Variants in RPS27L observed in about 807,000 individuals in gnomAD.
RPS27L encodes ribosomal protein eS27-like.
Under a neutral mutation model 12.8 loss-of-function variants are expected in RPS27L, and 10 were observed. The ratio of observed to expected loss-of-function variants is 0.78; its 90% CI spans 0.48 to 1.33. The LOEUF (loss-of-function observed/expected upper bound fraction) is 1.33, where lower values mean the gene tolerates loss of function less well. Among genes scored for constraint, RPS27L ranks in the 40% most tolerant of loss-of-function variants. The probability of loss-of-function intolerance (pLI) is 0.00; values close to 1 mark genes in which losing one functional copy is unlikely to be tolerated. For missense variants in RPS27L, 81 were observed against 97.4 expected, an observed-to-expected ratio of 0.83 and a Z score of 0.71; for synonymous variants, 26 against 32.3, an observed-to-expected ratio of 0.81 and a Z score of 0.66.
rs972160792 is a variant in RPS27L at position 63,153,799 on chromosome 15, A to G, written c.*233T>C. On this transcript the variant is annotated 3_prime_UTR_variant, in exon 4 of 4. Coordinates refer to ENST00000330964, the MANE Select transcript of RPS27L (RefSeq NM_015920.4). ...TTTAAACCAAATTCATATACACCAT[A>G]TATATAAATGTATGGCATACTCAAA... The G allele has an allele frequency of 9.9e-6, 5 of 503,378 alleles. No individual in the cohort carries two copies. Among genetic ancestry groups the G allele is most frequent in the Non-Finnish European group, 1.7e-5 (5 of 286,924 alleles). The allele number at this position is 503,378 out of a possible 1,614,324, so 31.2% of individuals were successfully genotyped here.
rs967643764 is a variant in RPS27L at position 63,153,026 on chromosome 15, C to A, written c.*1006G>T. The A allele has an allele frequency of 6.6e-6, 1 of 152,204 alleles. No individual in the cohort carries two copies. The highest frequency in any genetic ancestry group is 2.4e-5 in the African/African-American group (1 of 41,432). 9.4% of individuals were successfully genotyped at this position (152,204 alleles called of 1,614,324 possible). On this transcript the variant is annotated 3_prime_UTR_variant, in exon 4 of 4. Coordinates refer to ENST00000330964, the MANE Select transcript of RPS27L (RefSeq NM_015920.4). ...TGAGGAGTTGTATAGTGAGTGGATA[C>A]ACTCCCCGTCTCAGCTCCCCAGGAT...
chr15:63,152,206 G>A lies in RPS27L; in HGVS notation c.*1826C>T, dbSNP rs1454181562. 2.6e-5 allele frequency: 4 copies of A among 152,142 alleles called. No individual in the cohort carries two copies. The highest frequency in any genetic ancestry group is 1.3e-4 in the Admixed American group (2 of 15,268). The allele number at this position is 152,142 out of a possible 1,614,324, so 9.4% of individuals were successfully genotyped here. ...AGGTGGGAGGCTTGCTTGAGCCCAGGAGTTTGAGGTCACAATGAGCTATGA... is the reference window on the plus strand; with the variant it reads ...AGGTGGGAGGCTTGCTTGAGCCCAGAAGTTTGAGGTCACAATGAGCTATGA... On this transcript the variant is annotated 3_prime_UTR_variant, in exon 4 of 4. Coordinates refer to ENST00000330964, the MANE Select transcript of RPS27L (RefSeq NM_015920.4).
At chr15:63,156,309 C>T (rs938609188) in intron 2 of RPS27L, 104 bp downstream of exon 2, 4 of 611,370 alleles carry the variant, frequency 6.5e-6, no homozygotes, top group African/African-American at 1.9e-5. Flanking sequence ...TGTAATCCCA[C>T]TTCTACTCAA....
At position 63,151,256 on chromosome 15, in the gene RPS27L, C is replaced by T. The variant is rs1438778878; in HGVS notation, c.*2776G>A. 1.3e-5 allele frequency: 2 copies of T among 151,904 alleles called. No individual in the cohort carries two copies. The highest frequency in any genetic ancestry group is 2.9e-5 in the Non-Finnish European group (2 of 67,962). The allele number at this position is 151,904 out of a possible 1,614,324, so 9.4% of individuals were successfully genotyped here. A position where few individuals can be genotyped will look rare whatever the true frequency, so the allele number is the denominator to read the frequency against. On this transcript the variant is annotated 3_prime_UTR_variant, in exon 4 of 4. Transcript: ENST00000330964. Reference sequence around the variant, plus strand: ...CCTTAGATGTGTTCTTTCTTTGAGACACAGCTTCACGCTGTCACCCAGGCT... The same window carrying T: ...CCTTAGATGTGTTCTTTCTTTGAGATACAGCTTCACGCTGTCACCCAGGCT...
At chr15:63,155,342 T>C (rs1329741795) in intron 3 of RPS27L, 4 of 385,770 alleles carry the variant, frequency 1.0e-5, no homozygotes, top group South Asian at 1.4e-4. Flanking sequence ...CTATAACATG[T>C]AGTTATTCTT....
intron 3 of RPS27L, chr15:63,155,191 G>C (rs2037324163): frequency 6.6e-6 from 1 of 152,290 alleles, no homozygotes; most frequent in Non-Finnish European, 1.5e-5. Context: ...GGGAGGCAGA[G>C]GCAAGAGAAT....
At position 63,152,433 on chromosome 15, in the gene RPS27L, G is replaced by A. The variant is rs566666261; in HGVS notation, c.*1599C>T. The A allele has an allele frequency of 2.0e-5, 3 of 151,190 alleles. No individual in the cohort carries two copies. Among genetic ancestry groups the A allele is most frequent in the African/African-American group, 7.3e-5 (3 of 41,222 alleles). The allele number at this position is 151,190 out of a possible 1,614,324, so 9.4% of individuals were successfully genotyped here. A position where few individuals can be genotyped will look rare whatever the true frequency, so the allele number is the denominator to read the frequency against. On this transcript the variant is annotated 3_prime_UTR_variant, in exon 4 of 4. Transcript: ENST00000330964. ...AATTACTGAGATTCTAATGATGTCA[G>A]AAACTAAAAGTCTGAGAATCTCTGG...
In RPS27L at chr15:63,152,937, A is replaced by G. The variant is rs1036646501; in HGVS notation, c.*1095T>C. 25 of 152,062 alleles carry G rather than the reference A, an allele frequency of 1.6e-4. No individual in the cohort carries two copies. Among genetic ancestry groups the G allele is most frequent in the Admixed American group, 1.6e-3 (25 of 15,258 alleles). The allele number at this position is 152,062 out of a possible 1,614,324, so 9.4% of individuals were successfully genotyped here. ...TTGATAGGAAATGCCTGTTTTAAAT[A>G]CCTGCCACAAGGTAACAAATCAAAT... On this transcript the variant is annotated 3_prime_UTR_variant, in exon 4 of 4. Coordinates refer to ENST00000330964, the MANE Select transcript of RPS27L (RefSeq NM_015920.4).
Position 63,153,973 on chromosome 15 carries a change from TATG to T in RPS27L, c.*56_*58del, listed in dbSNP as rs77468583. The T allele has an allele frequency of 6.9e-4, 944 of 1,373,828 alleles. 19 individuals are homozygous for T. In the East Asian group the frequency reaches 0.022, roughly 32 times the overall value. 85.1% of individuals were successfully genotyped at this position (1,373,828 alleles called of 1,614,324 possible). On this transcript the variant is annotated 3_prime_UTR_variant, in exon 4 of 4. Coordinates refer to ENST00000330964, the MANE Select transcript of RPS27L (RefSeq NM_015920.4). ...GTAAATTAATTAGAATTATGGAATT[TATG>T]ATAAGGCTTTCTGTGAGACAACACA...
rs2037312389 is a variant in RPS27L at position 63,153,344 on chromosome 15, T to C, written c.*688A>G. The C allele has an allele frequency of 6.6e-6, 1 of 152,200 alleles. No individual in the cohort carries two copies. The highest frequency in any genetic ancestry group is 2.1e-4 in the South Asian group (1 of 4,828). The allele number at this position is 152,200 out of a possible 1,614,324, so 9.4% of individuals were successfully genotyped here. A position where few individuals can be genotyped will look rare whatever the true frequency, so the allele number is the denominator to read the frequency against. On this transcript the variant is annotated 3_prime_UTR_variant, in exon 4 of 4. Coordinates refer to ENST00000330964, the MANE Select transcript of RPS27L (RefSeq NM_015920.4). ...GGCATTACACTGTGATCAATATGTATTTTTTTGAAACTATTCTTTTTAATT... is the reference window on the plus strand; with the variant it reads ...GGCATTACACTGTGATCAATATGTACTTTTTTGAAACTATTCTTTTTAATT...
chr15:63,154,711 A>C (rs1481678733), intron 3 of RPS27L: 1 of 152,160 alleles, frequency 6.6e-6, no homozygotes, highest in Non-Finnish European at 1.5e-5. Context: ...ATCACAAGCA[A>C]ATTTATAACA....
chr15:63,157,270 G>A, intron 1 of RPS27L, 130 bp downstream of exon 1: 5 of 1,043,662 alleles, frequency 4.8e-6, no homozygotes, highest in South Asian at 2.6e-5. Context: ...GCGCGAAGAC[G>A]CTGCGCAACC....
Position 63,155,644 on chromosome 15 carries a change from C to A in RPS27L, c.203G>T (p.Gly68Val). 6.3e-7 allele frequency: 1 copy of A among 1,593,946 alleles called. No homozygotes were observed. The highest frequency in any genetic ancestry group is 1.7e-5 in the Admixed American group (1 of 57,254). The change falls in exon 3 of 4, where the codon GGA (glycine) becomes GTA (valine). Residue 68 changes from glycine to valine, a missense_variant. By Grantham distance (109) the Gly-to-Val change is moderately radical (BLOSUM62 -3). Transcript: ENST00000330964. The part of the protein sequence containing the change: ...GCSTVLCQPT[G>V]GKARLTEGCS... ...ACCTTCTGTGAGTCTGGCCTTTCCT[C>A]CTGTAGGCTGGCACAACACTGTTGA...
chr15:63,155,885 A>T (rs1385530790), intron 2 of RPS27L, among the ~76,000 whole-genome samples, 154 bp from the exon 3 acceptor site: 4 of 152,344 alleles, frequency 2.6e-5, no homozygotes, highest in African/African-American at 9.6e-5. Context: ...GCGACACAAA[A>T]TTTTTTAAAA....
At chr15:63,156,569 G>T in intron 1 of RPS27L, 48 bp from the exon 2 acceptor site, 1 of 1,169,996 alleles carries the variant, frequency 8.5e-7, no homozygotes, top group South Asian at 1.3e-5. Flanking sequence ...CCACAACGCT[G>T]GCACATTTAA....
chr15:63,149,915 A>C lies in RPS27L; in HGVS notation c.*4117T>G, dbSNP rs777915019. The C allele has an allele frequency of 6.6e-6, 1 of 152,148 alleles. No individual in the cohort carries two copies. The highest frequency in any genetic ancestry group is 2.4e-5 in the African/African-American group (1 of 41,362). The allele number at this position is 152,148 out of a possible 1,614,324, so 9.4% of individuals were successfully genotyped here. ...TGGCGAAACCCCATCTCTACAAAAA[A>C]TACAAAAAATTAGCGGGGTGTGGTG... On this transcript the variant is annotated 3_prime_UTR_variant, in exon 4 of 4. Coordinates refer to ENST00000330964, the MANE Select transcript of RPS27L (RefSeq NM_015920.4).
At chr15:63,157,245 C>T in intron 1 of RPS27L, 155 bp downstream of exon 1, 1 of 848,212 alleles carries the variant, frequency 1.2e-6, no homozygotes, top group East Asian at 2.4e-5. Context: ...GGGCAAGTCA[C>T]TACATGCCCG....
At chr15:63,155,432 C>T (rs763960713) in intron 3 of RPS27L, 189 bp downstream of exon 3, 13 of 423,166 alleles carry the variant, frequency 3.1e-5, no homozygotes, top group Non-Finnish European at 5.1e-5. Context: ...AAAAATAAGT[C>T]AATGGAGTTC....
At position 63,157,458 on chromosome 15, in the gene RPS27L, G is replaced by A. The variant is rs1279761817; in HGVS notation, c.-53C>T. On this transcript the variant is annotated 5_prime_UTR_variant, in exon 1 of 4. Coordinates refer to ENST00000330964, the MANE Select transcript of RPS27L (RefSeq NM_015920.4). ...CCAGACCTCCCAGCCCACACAGCTA[G>A]CAAGCTGCAAGCGATCTGCGCTCGG... The A allele has an allele frequency of 6.2e-7, 1 of 1,607,092 alleles. No individual in the cohort carries two copies. Among genetic ancestry groups the A allele is most frequent in the Non-Finnish European group, 8.5e-7 (1 of 1,173,656 alleles).
Sources: gnomAD v4.1 joint callset for allele counts (sites outside exome capture counted in the v4.1 genomes callset) on GRCh38, gnomAD v4.1.1 for gene constraint, MANE v1.5 for transcripts, NCBI Gene and HGNC (gene_info 2026-07-23, HGNC 2026-07-21) for gene names.